The following ZNF804A variants were observed in gnomAD, a reference collection of about 807,000 sequenced individuals.
ZNF804A encodes the protein zinc finger protein 804A.
In ZNF804A, 2 loss-of-function variants were observed where a neutral mutation model predicts 16.5. The observed-to-expected ratio is 0.12, with a 90% CI of 0.05 to 0.38. The LOEUF (loss-of-function observed/expected upper bound fraction) is 0.38. Among genes scored for constraint, ZNF804A ranks in the 10% least tolerant of loss-of-function variants. ZNF804A has a pLI of 0.99. For missense variants in ZNF804A, 1,473 were observed against 1,390.7 expected (o/e 1.06, Z -0.94); for synonymous variants, 534 against 489.6 (o/e 1.09, Z -1.20).
intron 1 of ZNF804A, among the ~76,000 whole-genome samples, chr2:184,634,570 G>A (rs1691664778): frequency 6.6e-6 from 1 of 151,962 alleles, no homozygotes; most frequent in African/African-American, 2.4e-5. Flanking sequence ...AGGGCGTCAG[G>A]GAGAAAAGGA....
In ZNF804A at chr2:184,640,897, T is replaced by C. The variant is rs13407195; in HGVS notation, c.111+41827T>C. Among the ~76,000 whole-genome samples, 798 of 152,310 alleles carry C rather than the reference T, an allele frequency of 5.2e-3. 5 individuals are homozygous for C. The highest frequency in any genetic ancestry group is 0.017 in the African/African-American group (708 of 41,566). On this transcript the variant is annotated intron_variant, in intron 1 of 3. Transcript: ENST00000302277. Reference sequence around the variant, plus strand: ...AGATGAAAAGACTGACTTATTTCTTTCTAAGTTTGAGAATAAGGCAACAAT... The same window carrying C: ...AGATGAAAAGACTGACTTATTTCTTCCTAAGTTTGAGAATAAGGCAACAAT...
At chr2:184,705,331 G>A (rs1406579615) in intron 1 of ZNF804A, among the ~76,000 whole-genome samples, 1 of 152,076 alleles carries the variant, frequency 6.6e-6, no homozygotes, top group Non-Finnish European at 1.5e-5. Context: ...AAAGGTACAG[G>A]CAAAATAAAT....
intron 1 of ZNF804A, among the ~76,000 whole-genome samples, chr2:184,810,484 C>CTTTTTTTTTT (rs1175105602): frequency 1.1e-4 from 11 of 95,972 alleles, no homozygotes; most frequent in African/African-American, 1.8e-4. Context: ...TGTTCTTTTC[C>CTTTTTTTTTT]TTTTTTTTTT....
intron 2 of ZNF804A, among the ~76,000 whole-genome samples, chr2:184,929,979 G>A (rs1014816732): frequency 3.9e-5 from 6 of 152,030 alleles, no homozygotes; most frequent in Non-Finnish European, 7.4e-5. Flanking sequence ...CTCTTAATGT[G>A]TATGTTCACT....
At chr2:184,752,183 T>C (rs1435090293) in intron 1 of ZNF804A, among the ~76,000 whole-genome samples, 4 of 151,780 alleles carry the variant, frequency 2.6e-5, no homozygotes, top group African/African-American at 4.8e-5. Context: ...TGTCCTCATA[T>C]GTTCATTGCA....
intron 1 of ZNF804A, among the ~76,000 whole-genome samples, chr2:184,736,884 A>T (rs1387058863): frequency 1.4e-5 from 2 of 146,000 alleles, no homozygotes; most frequent in African/African-American, 5.1e-5. Context: ...TGCATAAAGC[A>T]CTGGCCAGGA....
chr2:184,801,989 A>T (rs1694734139), intron 1 of ZNF804A, among the ~76,000 whole-genome samples: 1 of 151,138 alleles, frequency 6.6e-6, no homozygotes, highest in African/African-American at 2.4e-5. Context: ...CAGAGGCTTC[A>T]AATGTCTAGC....
intron 1 of ZNF804A, among the ~76,000 whole-genome samples, chr2:184,759,521 T>C (rs1468277388): frequency 6.6e-6 from 1 of 151,884 alleles, no homozygotes; most frequent in Non-Finnish European, 1.5e-5. Context: ...TAAAAAGAAA[T>C]AGAACATGAA....
rs376397194 is a variant in ZNF804A, at chr2:184,938,120, A to G, written c.2724A>G (p.Ser908=). The change falls in exon 4 of 4, where the codon TCA becomes TCG. Residue 908 remains serine, a synonymous_variant. Coordinates refer to ENST00000302277, the MANE Select transcript of ZNF804A (RefSeq NM_194250.2). ...LEMETTSGEL[S]DVSNDPTTSV... Reference sequence around the variant, plus strand: ...TGGAGACCACTTCTGGTGAATTGTCAGATGTTTCCAATGATCCCACCACAT... The same window carrying G: ...TGGAGACCACTTCTGGTGAATTGTCGGATGTTTCCAATGATCCCACCACAT... The G allele has an allele frequency of 6.2e-7, 1 of 1,614,032 alleles. No individual in the cohort carries two copies. The highest frequency in any genetic ancestry group is 1.3e-5 in the African/African-American group (1 of 74,944).
At chr2:184,830,110 C>A (rs571870061) in intron 1 of ZNF804A, among the ~76,000 whole-genome samples, 136 of 141,660 alleles carry the variant, frequency 9.6e-4, no homozygotes, top group Middle Eastern at 3.6e-3. Flanking sequence ...ACACACCCAC[C>A]CACACACACA....
At chr2:184,737,296 C>T (rs180813084) in intron 1 of ZNF804A, among the ~76,000 whole-genome samples, 336 of 151,928 alleles carry the variant, frequency 2.2e-3, no homozygotes, top group Middle Eastern at 0.021. Flanking sequence ...CTCCTGACCT[C>T]GTGATCCACC....
chr2:184,746,962 CA>C (rs1418560027), intron 1 of ZNF804A, among the ~76,000 whole-genome samples: 2 of 151,258 alleles, frequency 1.3e-5, no homozygotes, highest in African/African-American at 4.8e-5. Context: ...TCATTTCAGA[CA>C]ATCGACAAAA....
chr2:184,650,333 A>G (rs1424100619), intron 1 of ZNF804A, among the ~76,000 whole-genome samples: 1 of 152,170 alleles, frequency 6.6e-6, no homozygotes, highest in Admixed American at 6.6e-5. Flanking sequence ...GCCATCTATG[A>G]CAAACCTGTA....
At chr2:184,900,285 A>T (rs898252923) in intron 2 of ZNF804A, among the ~76,000 whole-genome samples, 1 of 152,090 alleles carries the variant, frequency 6.6e-6, no homozygotes, top group Admixed American at 6.6e-5. Context: ...ACATTATGGG[A>T]TATATTTAGG....
At chr2:184,899,137 T>A (rs1202703444) in intron 2 of ZNF804A, among the ~76,000 whole-genome samples, 1 of 151,966 alleles carries the variant, frequency 6.6e-6, no homozygotes, top group Non-Finnish European at 1.5e-5. Context: ...GTATTAATCA[T>A]CTTACATGGG....
intron 1 of ZNF804A, among the ~76,000 whole-genome samples, chr2:184,694,119 T>C (rs545108066): frequency 1.3e-5 from 2 of 151,582 alleles, no homozygotes; most frequent in Non-Finnish European, 2.9e-5. Flanking sequence ...TTTTTTTTTT[T>C]TGTATTTTTA....
intron 1 of ZNF804A, among the ~76,000 whole-genome samples, chr2:184,669,547 C>T (rs1692309092): frequency 6.6e-6 from 1 of 151,924 alleles, no homozygotes; most frequent in African/African-American, 2.4e-5. Flanking sequence ...TCTTTGCCAC[C>T]CTGGTTCTTT....
chr2:184,921,994 A>G (rs1685535292), intron 2 of ZNF804A, among the ~76,000 whole-genome samples: 1 of 152,074 alleles, frequency 6.6e-6, no homozygotes, highest in African/African-American at 2.4e-5. Flanking sequence ...TTTATGTACC[A>G]TATTTTCTTT....
Position 184,939,279 on chromosome 2 carries a change from TAA to T in ZNF804A, c.*254_*255del, listed in dbSNP as rs1685856134. On this transcript the variant is annotated 3_prime_UTR_variant, in exon 4 of 4. Transcript: ENST00000302277. ...TATGCTATATATTAAAATGATGTCT[TAA>T]GAGTATGTATAATGTACATAAAATA... 8.0e-6 allele frequency: 3 copies of T among 374,362 alleles called. No individual in the cohort carries two copies. Among genetic ancestry groups the T allele is most frequent in the African/African-American group, 2.0e-5 (1 of 49,156 alleles). 23.2% of individuals were successfully genotyped at this position (374,362 alleles called of 1,614,324 possible). A position where few individuals can be genotyped will look rare whatever the true frequency, so the allele number is the denominator to read the frequency against.
Sources: allele counts gnomAD v4.1 joint callset (sites outside exome capture counted in the v4.1 genomes callset), GRCh38; gene constraint gnomAD v4.1.1; transcripts MANE v1.5; gene names NCBI Gene and HGNC (gene_info 2026-07-23, HGNC 2026-07-21).